MAPK10: variants seen among roughly 807,000 people sequenced by gnomAD.
MAPK10 encodes the protein mitogen-activated protein kinase 10.
MAPK10 carries 25 observed loss-of-function variants against 59.3 expected under a neutral mutation model. The ratio of observed to expected loss-of-function variants is 0.42; its 90% CI spans 0.31 to 0.59. The LOEUF (loss-of-function observed/expected upper bound fraction) is 0.59, where lower values mean the gene tolerates loss of function less well. Among genes scored for constraint, MAPK10 ranks in the 20% least tolerant of loss-of-function variants. The pLI is 0.15. For synonymous variants in MAPK10, 190 were observed against 200.5 expected (o/e 0.95, Z 0.44); for missense variants, 351 against 568.9 (o/e 0.62, Z 3.90).
chr4:86,406,363 T>C (rs1265157078), intron 1 of MAPK10, among the ~76,000 whole-genome samples: 1 of 152,182 alleles, frequency 6.6e-6, no homozygotes, highest in African/African-American at 2.4e-5. Context: ...CACTAGCTTA[T>C]GATATAGTTA....
intron 1 of MAPK10, among the ~76,000 whole-genome samples, chr4:86,568,331 G>C (rs1052928248): frequency 6.6e-6 from 1 of 152,100 alleles, no homozygotes; most frequent in Admixed American, 6.6e-5. Context: ...AATGGTCATG[G>C]ATTAGAGGAA....
At chr4:86,074,817 GC>G (rs1471494038) in intron 9 of MAPK10, among the ~76,000 whole-genome samples, 3 of 118,720 alleles carry the variant, frequency 2.5e-5, no homozygotes, top group African/African-American at 7.3e-5. Context: ...CTCTCTGGCT[GC>G]CCTTAACATT....
chr4:86,019,097 C>T (rs992090229), intron 13 of MAPK10, among the ~76,000 whole-genome samples: 1 of 152,008 alleles, frequency 6.6e-6, no homozygotes, highest in African/African-American at 2.4e-5. Flanking sequence ...AATATATGGA[C>T]GTACTCTATG....
intron 9 of MAPK10, among the ~76,000 whole-genome samples, chr4:86,089,803 T>C (rs933387163): frequency 2.6e-5 from 4 of 152,168 alleles, no homozygotes; most frequent in African/African-American, 4.8e-5. Context: ...CAAGAATGAA[T>C]GTTTCAGAAT....
chr4:86,362,007 C>T (rs1217409351), upstream of MAPK10, among the ~76,000 whole-genome samples: 1 of 151,844 alleles, frequency 6.6e-6, no homozygotes, highest in African/African-American at 2.4e-5. Flanking sequence ...AATAATGTTG[C>T]CTATTTCAAA....
At chr4:86,390,694 A>G (rs770353651) in intron 1 of MAPK10, among the ~76,000 whole-genome samples, 28 of 152,162 alleles carry the variant, frequency 1.8e-4, no homozygotes, top group Non-Finnish European at 4.1e-4. Flanking sequence ...GGTACAAGAG[A>G]GAGGGAACCC....
intron 1 of MAPK10, among the ~76,000 whole-genome samples, chr4:86,583,223 C>G (rs980302116): frequency 6.6e-6 from 1 of 152,014 alleles, no homozygotes; most frequent in African/African-American, 2.4e-5. Flanking sequence ...CGTGGTTTCA[C>G]TGTATCAGCC....
chr4:86,087,023 C>G (rs2149041817), intron 9 of MAPK10, among the ~76,000 whole-genome samples: 1 of 152,240 alleles, frequency 6.6e-6, no homozygotes, highest in Middle Eastern at 3.4e-3. Context: ...ATCCAAATAT[C>G]AAGGGCTTTG....
In MAPK10 at chr4:86,029,279, A is replaced by G. The variant is rs1290728440; in HGVS notation, c.1175-5T>C. ...TTACTTCCTTGTAGATAAGTTCTGT[A>G]AGAAACAGCTGTGTTATTATAGAAA... On this transcript the variant is annotated splice_polypyrimidine_tract_variant and splice_region_variant and intron_variant, in intron 12 of 13. Coordinates refer to ENST00000641462, the MANE Select transcript of MAPK10 (RefSeq NM_138982.4). 3 of 1,577,870 alleles carry G rather than the reference A, an allele frequency of 1.9e-6. No homozygotes were observed. Among genetic ancestry groups the G allele is most frequent in the Non-Finnish European group, 2.6e-6 (3 of 1,148,014 alleles).
chr4:86,138,639 C>A (rs2062818477), intron 4 of MAPK10, among the ~76,000 whole-genome samples: 1 of 147,560 alleles, frequency 6.8e-6, no homozygotes, highest in Admixed American at 6.8e-5. Context: ...ACAGGGATGC[C>A]CTCTCTCACC....
chr4:86,477,704 C>A (rs1017603448), intron 1 of MAPK10, among the ~76,000 whole-genome samples: 1 of 152,212 alleles, frequency 6.6e-6, no homozygotes, highest in Admixed American at 6.5e-5. Context: ...CCTGACAAGC[C>A]TTACAGGTTA....
At chr4:86,548,571 A>G (rs1578080915) in intron 1 of MAPK10, among the ~76,000 whole-genome samples, 1 of 152,188 alleles carries the variant, frequency 6.6e-6, no homozygotes. Flanking sequence ...CTAATGGTTT[A>G]TCACCATCCT....
chr4:86,442,715 A>G (rs2149048678), intron 1 of MAPK10, among the ~76,000 whole-genome samples: 1 of 152,330 alleles, frequency 6.6e-6, no homozygotes, highest in Admixed American at 6.5e-5. Context: ...TGATAGAACA[A>G]TCTTAAATTA....
intron 2 of MAPK10, among the ~76,000 whole-genome samples, chr4:86,260,223 T>C (rs1413592041): frequency 6.6e-6 from 1 of 152,102 alleles, no homozygotes; most frequent in Non-Finnish European, 1.5e-5. Context: ...ATTCTAGAGC[T>C]TCTGTGTTCA....
chr4:86,110,575 A>C lies in MAPK10; in HGVS notation c.237-3223T>G, dbSNP rs138732314. Among the ~76,000 whole-genome samples the C allele has an allele frequency of 2.1e-3, 319 of 152,130 alleles. 2 individuals carry two copies. Among genetic ancestry groups the C allele is most frequent in the African/African-American group, 7.0e-3 (290 of 41,514 alleles). On this transcript the variant is annotated intron_variant, in intron 4 of 13. Coordinates refer to ENST00000641462, the MANE Select transcript of MAPK10 (RefSeq NM_138982.4). ...ATTTCTGAGTTCTCTATTCTGTTCCATTGGTCTATGTATCTTTTTCATTTT... is the reference window on the plus strand; with the variant it reads ...ATTTCTGAGTTCTCTATTCTGTTCCCTTGGTCTATGTATCTTTTTCATTTT...
At chr4:86,034,507 C>G (rs1018973513) in intron 11 of MAPK10, among the ~76,000 whole-genome samples, 1 of 151,968 alleles carries the variant, frequency 6.6e-6, no homozygotes, top group Non-Finnish European at 1.5e-5. Context: ...TTAATAAATA[C>G]TAGAATTTAT....
chr4:86,440,330 T>C (rs1242414467), intron 1 of MAPK10, among the ~76,000 whole-genome samples: 1 of 152,198 alleles, frequency 6.6e-6, no homozygotes, highest in Non-Finnish European at 1.5e-5. Flanking sequence ...CATTCAGTGT[T>C]GTTTGTGATA....
intron 2 of MAPK10, among the ~76,000 whole-genome samples, chr4:86,298,151 T>C (rs2095404208): frequency 6.6e-6 from 1 of 152,180 alleles, no homozygotes; most frequent in African/African-American, 2.4e-5. Context: ...TGTGGTCCTC[T>C]CTATGTACCT....
intron 1 of MAPK10, among the ~76,000 whole-genome samples, chr4:86,436,132 AC>A (rs2149044356): frequency 6.6e-6 from 1 of 152,218 alleles, no homozygotes; most frequent in African/African-American, 2.4e-5. Context: ...AGAGTTCATA[AC>A]CCCTCTTCCC....
Sources: allele counts gnomAD v4.1 joint callset (sites outside exome capture counted in the v4.1 genomes callset), GRCh38; gene constraint gnomAD v4.1.1; transcripts MANE v1.5; gene names NCBI Gene and HGNC (gene_info 2026-07-23, HGNC 2026-07-21).